EEFSEC: variants seen among roughly 807,000 people sequenced by gnomAD.
EEFSEC encodes eukaryotic elongation factor, selenocysteine-tRNA specific, also known as selenocysteine-specific elongation factor.
A neutral mutation model predicts 42.1 loss-of-function variants in EEFSEC; 43 were observed. The observed-to-expected ratio is 1.02, with a 90% CI of 0.80 to 1.32. EEFSEC has a LOEUF of 1.32. EEFSEC is among the 40% of genes most tolerant of loss of function. The probability of loss-of-function intolerance (pLI) is 0.00; values close to 1 mark genes in which losing one functional copy is unlikely to be tolerated. For synonymous variants in EEFSEC, 354 were observed against 339.1 expected (o/e 1.04, Z -0.48); for missense variants, 745 against 803.6 (o/e 0.93, Z 0.88).
chr3:128,222,324 C>A (rs1434987921), intron 1 of EEFSEC, among the ~76,000 whole-genome samples: 1 of 152,078 alleles, frequency 6.6e-6, no homozygotes, highest in African/African-American at 2.4e-5. Flanking sequence ...TGAGCCACTG[C>A]GCCCAGCTTA....
chr3:128,172,836 G>T (rs766276787), intron 1 of EEFSEC, among the ~76,000 whole-genome samples: 1 of 152,182 alleles, frequency 6.6e-6, no homozygotes, highest in Non-Finnish European at 1.5e-5. Flanking sequence ...CCATGCTGCC[G>T]CCTCGATCCT....
chr3:128,277,819 C>T (rs568761493), intron 4 of EEFSEC, among the ~76,000 whole-genome samples: 83 of 152,290 alleles, frequency 5.5e-4, no homozygotes, highest in African/African-American at 1.9e-3. Flanking sequence ...AGCAAGGGAA[C>T]CAACCTGGGC....
intron 1 of EEFSEC, among the ~76,000 whole-genome samples, chr3:128,182,883 C>CG (rs869300522): frequency 1.7e-4 from 3 of 17,990 alleles, no homozygotes; most frequent in Non-Finnish European, 3.0e-4. Flanking sequence ...GAGATCGGGG[C>CG]GGGGGGGTGG....
chr3:128,369,626 GCAGC>G (rs2107603398), intron 6 of EEFSEC, among the ~76,000 whole-genome samples: 1 of 152,346 alleles, frequency 6.6e-6, no homozygotes, highest in East Asian at 1.9e-4. Flanking sequence ...AGCTTCGGAG[GCAGC>G]CAGACCTGTG....
intron 6 of EEFSEC, among the ~76,000 whole-genome samples, chr3:128,372,746 A>G (rs2067668806): frequency 6.6e-6 from 1 of 152,160 alleles, no homozygotes; most frequent in Non-Finnish European, 1.5e-5. Flanking sequence ...GTAGGTCGTC[A>G]CTCACCCAAT....
At chr3:128,382,971 G>A (rs1161504316) in intron 6 of EEFSEC, among the ~76,000 whole-genome samples, 2 of 152,222 alleles carry the variant, frequency 1.3e-5, no homozygotes, top group East Asian at 1.9e-4. Flanking sequence ...CCCTGAGATG[G>A]CAGGCTGCCT....
intron 4 of EEFSEC, among the ~76,000 whole-genome samples, chr3:128,276,879 C>T (rs1014299104): frequency 1.3e-5 from 2 of 152,170 alleles, no homozygotes; most frequent in Admixed American, 1.3e-4. Flanking sequence ...TGTGGGAATG[C>T]TGGGCACATT....
chr3:128,410,002 A>G (rs2068162906), downstream of EEFSEC, among the ~76,000 whole-genome samples: 1 of 152,158 alleles, frequency 6.6e-6, no homozygotes, highest in Non-Finnish European at 1.5e-5. Flanking sequence ...GCAGCCCAAG[A>G]AGGGAGCAGA....
chr3:128,348,277 CGTGT>C (rs772977211), intron 5 of EEFSEC, among the ~76,000 whole-genome samples: 3 of 77,972 alleles, frequency 3.8e-5, no homozygotes, highest in Non-Finnish European at 7.0e-5. Flanking sequence ...TGTGCGTGTG[CGTGT>C]GTGTGTGTGT....
At chr3:128,155,930 G>A (rs1044723191) in intron 1 of EEFSEC, among the ~76,000 whole-genome samples, 49 of 152,242 alleles carry the variant, frequency 3.2e-4, no homozygotes, top group African/African-American at 1.1e-3. Context: ...AATTTCAAGG[G>A]GCACACAATT....
At chr3:128,412,733 A>G (rs1407538375), downstream of EEFSEC, among the ~76,000 whole-genome samples, 1 of 152,182 alleles carries the variant, frequency 6.6e-6, no homozygotes, top group Non-Finnish European at 1.5e-5. Context: ...AACGGGGTTG[A>G]GCCATTAATT....
At chr3:128,185,140 C>A (rs2065451801) in intron 1 of EEFSEC, among the ~76,000 whole-genome samples, 1 of 152,164 alleles carries the variant, frequency 6.6e-6, no homozygotes, top group Admixed American at 6.5e-5. Flanking sequence ...TGCAAAACCC[C>A]ATCTGAACTG....
intron 1 of EEFSEC, among the ~76,000 whole-genome samples, chr3:128,196,859 G>A (rs2065590178): frequency 6.6e-6 from 1 of 152,208 alleles, no homozygotes; most frequent in African/African-American, 2.4e-5. Context: ...ACAGTGTGGG[G>A]CATGCACTCA....
chr3:128,159,437 T>A (rs1467854908), intron 1 of EEFSEC, among the ~76,000 whole-genome samples: 1 of 152,198 alleles, frequency 6.6e-6, no homozygotes, highest in African/African-American at 2.4e-5. Flanking sequence ...CTTATTCTCC[T>A]CCTCCCTCTG....
chr3:128,196,128 A>G (rs977236244), intron 1 of EEFSEC, among the ~76,000 whole-genome samples: 1 of 152,234 alleles, frequency 6.6e-6, no homozygotes, highest in Non-Finnish European at 1.5e-5. Flanking sequence ...TCTGTATGTG[A>G]AGAGGAAAAT....
At chr3:128,255,267 A>G (rs1167712470) in intron 2 of EEFSEC, among the ~76,000 whole-genome samples, 1 of 151,958 alleles carries the variant, frequency 6.6e-6, no homozygotes, top group Admixed American at 6.6e-5. Context: ...CCTCTCGGGG[A>G]CGTGAAGGAT....
At chr3:128,361,703 C>T (rs2067527352) in intron 6 of EEFSEC, among the ~76,000 whole-genome samples, 1 of 152,230 alleles carries the variant, frequency 6.6e-6, no homozygotes, top group African/African-American at 2.4e-5. Flanking sequence ...CCCAGAGAGT[C>T]TTGGGGGATC....
At chr3:128,332,108 T>A (rs1365521363) in intron 4 of EEFSEC, among the ~76,000 whole-genome samples, 1 of 152,154 alleles carries the variant, frequency 6.6e-6, no homozygotes, top group Non-Finnish European at 1.5e-5. Flanking sequence ...ACCATATATA[T>A]GTTATTGTAT....
chr3:128,198,709 T>G (rs1378787874), intron 1 of EEFSEC, among the ~76,000 whole-genome samples: 1 of 152,118 alleles, frequency 6.6e-6, no homozygotes, highest in Admixed American at 6.5e-5. Flanking sequence ...CTGGCACCTT[T>G]CTGTGAAGAG....
Sources: allele counts gnomAD v4.1 joint callset (sites outside exome capture counted in the v4.1 genomes callset), GRCh38; gene constraint gnomAD v4.1.1; transcripts MANE v1.5; gene names NCBI Gene and HGNC (gene_info 2026-07-23, HGNC 2026-07-21).